The following MCTP2 variants were observed in gnomAD, a reference collection of about 807,000 sequenced individuals.
MCTP2 encodes the protein multiple C2 and transmembrane domain containing 2, also known as multiple C2 and transmembrane domain-containing protein 2.
Under a neutral mutation model 111.6 loss-of-function variants are expected in MCTP2, and 132 were observed. The observed-to-expected ratio is 1.18, with a 90% CI of 1.03 to 1.37. The LOEUF is 1.37. Among genes scored for constraint, MCTP2 ranks in the 40% most tolerant of loss-of-function variants. The pLI is 0.00. For synonymous variants in MCTP2, 395 were observed against 387.7 expected (o/e 1.02, Z -0.22); for missense variants, 1,183 against 1,067.9 (o/e 1.11, Z -1.50).
chr15:94,458,034 C>G, intron 19 of MCTP2, 103 bp from the exon 20 acceptor site: 2 of 660,950 alleles, frequency 3.0e-6, no homozygotes, highest in Admixed American at 5.2e-5. Context: ...TTGTGTCACT[C>G]TATTGGTAAA....
chr15:94,478,463 G>C (rs1215467585), intron 22 of MCTP2, among the ~76,000 whole-genome samples: 1 of 152,210 alleles, frequency 6.6e-6, no homozygotes, highest in Non-Finnish European at 1.5e-5. Context: ...CATTGCAAAT[G>C]AAATTAATTT....
chr15:94,371,912 T>G (rs1326998602), intron 12 of MCTP2, among the ~76,000 whole-genome samples: 2 of 152,186 alleles, frequency 1.3e-5, no homozygotes, highest in Non-Finnish European at 2.9e-5. Context: ...GTAACCTCCA[T>G]AAAGCCCCCA....
chr15:94,346,774 C>A (rs535389840), intron 8 of MCTP2, among the ~76,000 whole-genome samples: 50 of 151,926 alleles, frequency 3.3e-4, no homozygotes, highest in African/African-American at 1.0e-3. Context: ...AATGGCCAAA[C>A]GAATGATGGG....
intron 1 of MCTP2, among the ~76,000 whole-genome samples, chr15:94,269,674 T>C (rs2073803409): frequency 6.6e-6 from 1 of 152,192 alleles, no homozygotes. Flanking sequence ...AACAAATACA[T>C]TTTAATATAA....
intron 20 of MCTP2, among the ~76,000 whole-genome samples, chr15:94,461,023 G>T (rs1434518499): frequency 6.8e-6 from 1 of 146,740 alleles, no homozygotes; most frequent in African/African-American, 2.5e-5. Context: ...ATACTGATGG[G>T]TTGGGGGGGA....
intron 17 of MCTP2, among the ~76,000 whole-genome samples, chr15:94,421,106 T>TA (rs1320849570): frequency 6.6e-6 from 1 of 152,052 alleles, no homozygotes; most frequent in Admixed American, 6.6e-5. Context: ...TTTTTTTTTT[T>TA]TTTTAGCAAT....
intron 1 of MCTP2, among the ~76,000 whole-genome samples, chr15:94,280,047 G>A (rs578001135): frequency 1.3e-5 from 2 of 151,894 alleles, no homozygotes; most frequent in South Asian, 4.1e-4. Context: ...TTGACCTGAA[G>A]CTTTTGTTGT....
At chr15:94,445,573 T>A (rs1294974013) in intron 19 of MCTP2, among the ~76,000 whole-genome samples, 1 of 152,194 alleles carries the variant, frequency 6.6e-6, no homozygotes, top group Non-Finnish European at 1.5e-5. Flanking sequence ...ACATATGTAT[T>A]ACGACACTTG....
intron 17 of MCTP2, among the ~76,000 whole-genome samples, chr15:94,425,463 T>A (rs2082837962): frequency 6.6e-6 from 1 of 152,070 alleles, no homozygotes; most frequent in Non-Finnish European, 1.5e-5. Context: ...AAGACCAATA[T>A]TGAAAGTAAG....
intron 18 of MCTP2, among the ~76,000 whole-genome samples, chr15:94,442,100 A>G (rs2083816921): frequency 6.6e-6 from 1 of 152,236 alleles, no homozygotes; most frequent in Admixed American, 6.5e-5. Flanking sequence ...TGACATCTGA[A>G]CAGCGTGCCT....
chr15:94,371,668 C>T (rs1365854035), intron 12 of MCTP2, among the ~76,000 whole-genome samples: 2 of 152,092 alleles, frequency 1.3e-5, no homozygotes, highest in African/African-American at 2.4e-5. Context: ...TTGTTTACAA[C>T]AACATCCATA....
intron 4 of MCTP2, among the ~76,000 whole-genome samples, chr15:94,336,075 G>A (rs1231075149): frequency 6.6e-6 from 1 of 152,034 alleles, no homozygotes; most frequent in East Asian, 1.9e-4. Flanking sequence ...GGCTACTTGG[G>A]CCTCCGACTC....
rs760653589 is a variant in MCTP2 at position 94,459,969 on chromosome 15, G to A, written c.2360+1723G>A. On this transcript the variant is annotated intron_variant, in intron 20 of 22. Coordinates refer to ENST00000357742, the MANE Select transcript of MCTP2 (RefSeq NM_001385001.1). ...TTAATATCCTCATTTTACAGATGAGGAAACTGAATCACAGAGTGATTAAAT... is the reference window on the plus strand; with the variant it reads ...TTAATATCCTCATTTTACAGATGAGAAAACTGAATCACAGAGTGATTAAAT... Among the ~76,000 whole-genome samples, 92 of 152,192 alleles carry A rather than the reference G, an allele frequency of 6.0e-4. 1 individual carries two copies. Among genetic ancestry groups the A allele is most frequent in the Non-Finnish European group, 3.7e-4 (25 of 68,032 alleles).
At chr15:94,357,254 G>A (rs1203339105) in intron 9 of MCTP2, among the ~76,000 whole-genome samples, 1 of 152,186 alleles carries the variant, frequency 6.6e-6, no homozygotes, top group African/African-American at 2.4e-5. Context: ...TTGAAGAATA[G>A]TTTATAAAAA....
intron 8 of MCTP2, among the ~76,000 whole-genome samples, chr15:94,347,443 A>T (rs1019935948): frequency 2.6e-5 from 4 of 152,224 alleles, no homozygotes; most frequent in African/African-American, 9.6e-5. Context: ...TAATAACTTT[A>T]TTCAGATAAT....
At chr15:94,429,653 G>A (rs2083072925) in intron 17 of MCTP2, among the ~76,000 whole-genome samples, 1 of 152,038 alleles carries the variant, frequency 6.6e-6, no homozygotes, top group Admixed American at 6.5e-5. Context: ...TTGGACTTTT[G>A]TAGAAATCAA....
intron 17 of MCTP2, among the ~76,000 whole-genome samples, chr15:94,418,016 A>G (rs7176028): frequency 0.16 from 23,948 of 152,148 alleles, 1,948 homozygotes; most frequent in East Asian, 0.27. Flanking sequence ...CTATCACTGC[A>G]CTAATGCTAA....
chr15:94,274,305 C>G (rs911054334), intron 1 of MCTP2, among the ~76,000 whole-genome samples: 1 of 151,940 alleles, frequency 6.6e-6, no homozygotes, highest in Non-Finnish European at 1.5e-5. Flanking sequence ...AATGCATAAA[C>G]AAGCAAAAGG....
chr15:94,312,861 C>A (rs1028310202), intron 2 of MCTP2, among the ~76,000 whole-genome samples: 1 of 152,072 alleles, frequency 6.6e-6, no homozygotes, highest in Admixed American at 6.5e-5. Flanking sequence ...GAAGATTTGC[C>A]CCCTGGTCTG....
Sources: gnomAD v4.1 joint callset for allele counts (sites outside exome capture counted in the v4.1 genomes callset) on GRCh38, gnomAD v4.1.1 for gene constraint, MANE v1.5 for transcripts, NCBI Gene and HGNC (gene_info 2026-07-23, HGNC 2026-07-21) for gene names.